DNAJC1: variants seen among roughly 807,000 people sequenced by gnomAD.
DNAJC1 encodes the protein DnaJ heat shock protein family (Hsp40) member C1.
Under a neutral mutation model 76.6 loss-of-function variants are expected in DNAJC1, and 58 were observed. The ratio of observed to expected loss-of-function variants is 0.76; its 90% CI spans 0.61 to 0.94. The LOEUF is 0.94. Ranked by LOEUF, DNAJC1 falls within the 40% of genes least tolerant of loss-of-function variation. The probability of loss-of-function intolerance (pLI) is 0.00; values close to 1 mark genes in which losing one functional copy is unlikely to be tolerated. For synonymous variants in DNAJC1, 258 were observed against 267.9 expected, an observed-to-expected ratio of 0.96 and a Z score of 0.36; for missense variants, 689 against 677.3, an observed-to-expected ratio of 1.02 and a Z score of -0.19.
intron 8 of DNAJC1, among the ~76,000 whole-genome samples, chr10:21,876,927 A>C (rs1231019785): frequency 1.3e-5 from 2 of 152,228 alleles, no homozygotes; most frequent in Non-Finnish European, 2.9e-5. Flanking sequence ...TGTTTAAGTC[A>C]AATAATAAAG....
chr10:21,857,341 G>C (rs762729969), intron 8 of DNAJC1, among the ~76,000 whole-genome samples: 78 of 151,530 alleles, frequency 5.1e-4, no homozygotes, highest in Non-Finnish European at 7.6e-4. Context: ...AAATTTTTGT[G>C]TATATAGATA....
At chr10:21,990,511 G>A (rs1234451438) in intron 1 of DNAJC1, among the ~76,000 whole-genome samples, 1 of 152,178 alleles carries the variant, frequency 6.6e-6, no homozygotes, top group Non-Finnish European at 1.5e-5. Context: ...TGAGCATGTT[G>A]AAAGTAGATA....
chr10:21,868,430 T>C lies in DNAJC1; in HGVS notation c.978+13852A>G, dbSNP rs1214114849. Among the ~76,000 whole-genome samples the C allele has an allele frequency of 2.0e-5, 3 of 151,942 alleles. No individual in the cohort carries two copies. In the South Asian group the frequency reaches 6.2e-4, roughly 31 times the overall value. ...GAGCCACCATGCCCGGCCAAAAATATTCTTAAATAGAGAAATAATTACATG... is the reference window on the plus strand; with the variant it reads ...GAGCCACCATGCCCGGCCAAAAATACTCTTAAATAGAGAAATAATTACATG... On this transcript the variant is annotated intron_variant, in intron 8 of 11. Transcript: ENST00000376980.
intron 3 of DNAJC1, among the ~76,000 whole-genome samples, chr10:21,921,683 A>C (rs1342735166): frequency 2.0e-5 from 3 of 152,054 alleles, no homozygotes; most frequent in Non-Finnish European, 4.4e-5. Flanking sequence ...GAAGAGAAGA[A>C]CATTAACAAG....
At position 21,971,652 on chromosome 10, in the gene DNAJC1, T is replaced by C. The variant is rs1837981435; in HGVS notation, c.222+31561A>G. ...AATTTCTGCTCATGTCAGAAACTCTTCTAAAACTTATTTTGAAAATATTCT... is the reference window on the plus strand; with the variant it reads ...AATTTCTGCTCATGTCAGAAACTCTCCTAAAACTTATTTTGAAAATATTCT... On this transcript the variant is annotated intron_variant, in intron 1 of 11. Transcript: ENST00000376980. 3.3e-5 allele frequency among the ~76,000 whole-genome samples: 5 copies of C among 151,916 alleles called. No homozygotes were observed. In the South Asian group the frequency reaches 1.0e-3, roughly 31 times the overall value.
At chr10:21,943,970 C>T (rs1242223211) in intron 1 of DNAJC1, among the ~76,000 whole-genome samples, 1 of 151,952 alleles carries the variant, frequency 6.6e-6, no homozygotes, top group Non-Finnish European at 1.5e-5. Flanking sequence ...GCAACAGAAG[C>T]ATGGCCTCTA....
chr10:21,824,376 C>T (rs958507433), intron 8 of DNAJC1, among the ~76,000 whole-genome samples: 2 of 152,112 alleles, frequency 1.3e-5, no homozygotes, highest in Non-Finnish European at 1.5e-5. Flanking sequence ...GTTCTATAAA[C>T]GTTATTTACA....
intron 7 of DNAJC1, among the ~76,000 whole-genome samples, chr10:21,889,480 A>T (rs559604756): frequency 3.2e-4 from 48 of 152,332 alleles, no homozygotes; most frequent in African/African-American, 9.9e-4. Context: ...CCTCTCACTA[A>T]GAATTATAAA....
At chr10:21,836,518 G>A (rs1029390645) in intron 8 of DNAJC1, among the ~76,000 whole-genome samples, 2 of 152,148 alleles carry the variant, frequency 1.3e-5, no homozygotes, top group Non-Finnish European at 1.5e-5. Context: ...CTCCAATTAA[G>A]AGACACAGAC....
At chr10:21,896,331 T>C (rs1342909167) in intron 7 of DNAJC1, among the ~76,000 whole-genome samples, 2 of 152,160 alleles carry the variant, frequency 1.3e-5, no homozygotes, top group Non-Finnish European at 2.9e-5. Context: ...CAACCTCTAC[T>C]CTCCTGTGTC....
intron 7 of DNAJC1, among the ~76,000 whole-genome samples, chr10:21,896,420 G>C (rs1380504520): frequency 6.6e-6 from 1 of 152,182 alleles, no homozygotes. Context: ...TGGGTTTTCA[G>C]CTTACTTGGG....
intron 9 of DNAJC1, among the ~76,000 whole-genome samples, chr10:21,790,012 A>T (rs1313661407): frequency 5.1e-4 from 4 of 7,874 alleles, no homozygotes; most frequent in African/African-American, 1.7e-3. Context: ...TCTGTCTTTA[A>T]AAAAAAAAAA....
chr10:21,837,374 C>T (rs1280825995), intron 8 of DNAJC1, among the ~76,000 whole-genome samples: 2 of 151,918 alleles, frequency 1.3e-5, no homozygotes, highest in Non-Finnish European at 1.5e-5. Context: ...GGCCGCCCAT[C>T]GTCTGGGATG....
intron 8 of DNAJC1, among the ~76,000 whole-genome samples, chr10:21,813,927 A>G (rs1198091890): frequency 1.3e-5 from 2 of 152,180 alleles, no homozygotes; most frequent in African/African-American, 4.8e-5. Flanking sequence ...TGAGTAATAA[A>G]CTGCCCTTTG....
At position 21,819,615 on chromosome 10, in the gene DNAJC1, A is replaced by T. The variant is rs116056009; in HGVS notation, c.979-13516T>A. On this transcript the variant is annotated intron_variant, in intron 8 of 11. Transcript: ENST00000376980. ...TGTGCATTTGATATTGATTTTTAAA[A>T]TTTTTTTATTGAGATCTAATTAGCA... Among the ~76,000 whole-genome samples the T allele has an allele frequency of 1.0e-2, 1,521 of 152,160 alleles. 20 individuals carry two copies. Among genetic ancestry groups the T allele is most frequent in the African/African-American group, 0.035 (1,452 of 41,504 alleles).
chr10:21,917,219 T>A (rs914536798), intron 6 of DNAJC1, among the ~76,000 whole-genome samples: 5 of 151,990 alleles, frequency 3.3e-5, no homozygotes, highest in African/African-American at 1.2e-4. Context: ...GGCAAAACAA[T>A]CAATCTATTA....
At chr10:21,890,286 G>A (rs1056402151) in intron 7 of DNAJC1, among the ~76,000 whole-genome samples, 1 of 151,960 alleles carries the variant, frequency 6.6e-6, no homozygotes, top group Non-Finnish European at 1.5e-5. Context: ...GGTGGTGTGT[G>A]CCTGTAATCC....
At chr10:21,966,025 T>C (rs1809483368) in intron 1 of DNAJC1, among the ~76,000 whole-genome samples, 1 of 152,204 alleles carries the variant, frequency 6.6e-6, no homozygotes, top group Non-Finnish European at 1.5e-5. Context: ...AGTTCTTCAG[T>C]CTTTCTTGTG....
chr10:21,836,303 C>T (rs892126446), intron 8 of DNAJC1, among the ~76,000 whole-genome samples: 8 of 152,128 alleles, frequency 5.3e-5, no homozygotes, highest in Non-Finnish European at 1.2e-4. Flanking sequence ...ACCAGGCCTG[C>T]CCTAAAAGAA....
Sources: gnomAD v4.1 joint callset for allele counts (sites outside exome capture counted in the v4.1 genomes callset) on GRCh38, gnomAD v4.1.1 for gene constraint, MANE v1.5 for transcripts, NCBI Gene and HGNC (gene_info 2026-07-23, HGNC 2026-07-21) for gene names.